NEGR1: variants seen among roughly 807,000 people sequenced by gnomAD.
NEGR1 encodes neuronal growth regulator 1, also known as IgLON family member 4.
NEGR1 carries 10 observed loss-of-function variants against 40.9 expected under a neutral mutation model. That is an observed-to-expected ratio of 0.24 (90% CI 0.15 to 0.42). The LOEUF (loss-of-function observed/expected upper bound fraction) is 0.42. Among genes scored for constraint, NEGR1 ranks in the 10% least tolerant of loss-of-function variants. NEGR1 has a pLI of 1.00. For synonymous variants in NEGR1, 185 were observed against 166.8 expected, an observed-to-expected ratio of 1.11 and a Z score of -0.84; for missense variants, 352 against 438.9, an observed-to-expected ratio of 0.80 and a Z score of 1.77.
intron 2 of NEGR1, among the ~76,000 whole-genome samples, chr1:71,820,581 GATTAA>G (rs1658394630): frequency 6.6e-6 from 1 of 151,950 alleles, no homozygotes; most frequent in Non-Finnish European, 1.5e-5. Flanking sequence ...TATGACACAT[GATTAA>G]ATTAAGTTGC....
intron 6 of NEGR1, among the ~76,000 whole-genome samples, chr1:71,499,842 T>TA (rs1418574021): frequency 6.6e-6 from 1 of 152,026 alleles, no homozygotes; most frequent in African/African-American, 2.4e-5. Flanking sequence ...TTGAAACCCC[T>TA]AAATTTAAAT....
intron 6 of NEGR1, among the ~76,000 whole-genome samples, chr1:71,558,279 G>T (rs1398052671): frequency 1.3e-5 from 2 of 151,540 alleles, no homozygotes; most frequent in African/African-American, 4.8e-5. Flanking sequence ...CAAAGAACCT[G>T]TGAACATATT....
intron 1 of NEGR1, among the ~76,000 whole-genome samples, chr1:72,141,531 C>A (rs971178677): frequency 1.3e-5 from 2 of 151,908 alleles, no homozygotes; most frequent in African/African-American, 4.8e-5. Flanking sequence ...ACTATGCAAT[C>A]AAATGGGAGC....
chr1:72,120,192 T>C (rs999285015), intron 1 of NEGR1, among the ~76,000 whole-genome samples: 8 of 152,002 alleles, frequency 5.3e-5, no homozygotes, highest in Non-Finnish European at 1.0e-4. Flanking sequence ...TTTTCATAAA[T>C]ATGTGATGGT....
At chr1:71,540,798 C>T (rs762907640) in intron 6 of NEGR1, among the ~76,000 whole-genome samples, 1 of 151,634 alleles carries the variant, frequency 6.6e-6, no homozygotes, top group Non-Finnish European at 1.5e-5. Context: ...GTTTAATTGG[C>T]TAATGGTTCT....
intron 6 of NEGR1, among the ~76,000 whole-genome samples, chr1:71,555,503 A>G (rs1648226441): frequency 6.6e-6 from 1 of 151,624 alleles, no homozygotes; most frequent in African/African-American, 2.4e-5. Flanking sequence ...GATGGCATGC[A>G]TGTGTCCTCT....
intron 3 of NEGR1, among the ~76,000 whole-genome samples, chr1:71,761,152 C>G (rs184980998): frequency 6.6e-6 from 1 of 152,090 alleles, no homozygotes; most frequent in South Asian, 2.1e-4. Flanking sequence ...AAGACCTAAA[C>G]CTCTTTTAAA....
chr1:71,675,379 C>A (rs1652592656), intron 4 of NEGR1, among the ~76,000 whole-genome samples: 1 of 150,820 alleles, frequency 6.6e-6, no homozygotes, highest in Admixed American at 6.6e-5. Flanking sequence ...CCATTCACCA[C>A]TAGATCAGCA....
chr1:71,457,475 A>T (rs1646681322), intron 6 of NEGR1, among the ~76,000 whole-genome samples: 1 of 152,190 alleles, frequency 6.6e-6, no homozygotes, highest in Non-Finnish European at 1.5e-5. Flanking sequence ...CATGTTTGTT[A>T]TCCTTGTATG....
At chr1:72,253,279 T>C (rs1242506107) in intron 1 of NEGR1, among the ~76,000 whole-genome samples, 1 of 152,194 alleles carries the variant, frequency 6.6e-6, no homozygotes, top group Non-Finnish European at 1.5e-5. Context: ...GTTGAAGAAT[T>C]GAAAAGTTCA....
chr1:71,923,989 G>A (rs768637159), intron 2 of NEGR1, among the ~76,000 whole-genome samples: 9 of 151,356 alleles, frequency 5.9e-5, no homozygotes, highest in Non-Finnish European at 8.8e-5. Context: ...ACTCACTGTA[G>A]CCTCCACCTT....
At chr1:72,208,624 T>C (rs1426823718) in intron 1 of NEGR1, among the ~76,000 whole-genome samples, 3 of 151,816 alleles carry the variant, frequency 2.0e-5, no homozygotes, top group African/African-American at 2.4e-5. Flanking sequence ...AAAGCACACC[T>C]ATAAAAACAA....
intron 1 of NEGR1, among the ~76,000 whole-genome samples, chr1:71,980,081 T>A (rs933489269): frequency 6.6e-6 from 1 of 152,108 alleles, no homozygotes; most frequent in East Asian, 1.9e-4. Flanking sequence ...AATATGCAAC[T>A]GCCCAAATAA....
intron 4 of NEGR1, among the ~76,000 whole-genome samples, chr1:71,654,465 T>G (rs928633654): frequency 1.3e-5 from 2 of 152,164 alleles, no homozygotes; most frequent in Admixed American, 1.3e-4. Flanking sequence ...GTATACTTCT[T>G]GCACAATATT....
chr1:72,231,357 A>C (rs912807341), intron 1 of NEGR1, among the ~76,000 whole-genome samples: 6 of 152,156 alleles, frequency 3.9e-5, no homozygotes, highest in Non-Finnish European at 7.4e-5. Flanking sequence ...TGAATCAAGA[A>C]TGCCTGGATA....
At chr1:72,111,032 G>C (rs1379040432) in intron 1 of NEGR1, among the ~76,000 whole-genome samples, 2 of 150,774 alleles carry the variant, frequency 1.3e-5, no homozygotes, top group Non-Finnish European at 3.0e-5. Flanking sequence ...TGGAGAAGGA[G>C]AAAAAGGTAA....
intron 1 of NEGR1, among the ~76,000 whole-genome samples, chr1:72,061,958 T>C (rs1647183142): frequency 6.6e-6 from 1 of 151,800 alleles, no homozygotes; most frequent in African/African-American, 2.4e-5. Flanking sequence ...CCCAGACTTC[T>C]TCCCACATTG....
intron 3 of NEGR1, chr1:71,738,279 C>A: frequency 1.2e-5 from 3 of 243,188 alleles, no homozygotes; most frequent in South Asian, 7.7e-5. Context: ...CAGATGTCAT[C>A]AAGGCCTTGA....
chr1:72,020,725 C>G (rs1456975620), intron 1 of NEGR1, among the ~76,000 whole-genome samples: 1 of 152,026 alleles, frequency 6.6e-6, no homozygotes, highest in African/African-American at 2.4e-5. Context: ...GAGATAAGCA[C>G]TAGATATTCA....
Sources: gnomAD v4.1 joint callset for allele counts (sites outside exome capture counted in the v4.1 genomes callset) on GRCh38, gnomAD v4.1.1 for gene constraint, MANE v1.5 for transcripts, NCBI Gene and HGNC (gene_info 2026-07-23, HGNC 2026-07-21) for gene names.